The following PCBP3 variants were observed in gnomAD, a reference collection of about 807,000 sequenced individuals.
PCBP3 encodes the protein poly(rC) binding protein 3, also known as poly(rC)-binding protein 3.
In PCBP3, 25 loss-of-function variants were observed where a neutral mutation model predicts 52.7. The observed-to-expected ratio is 0.47, with a 90% CI of 0.35 to 0.66. The LOEUF (loss-of-function observed/expected upper bound fraction) is 0.66, where lower values mean the gene tolerates loss of function less well. Among genes scored for constraint, PCBP3 ranks in the 30% least tolerant of loss-of-function variants. The pLI, the probability that PCBP3 is intolerant of heterozygous loss-of-function variation, is 0.01. For missense variants in PCBP3, 391 were observed against 490.3 expected, an observed-to-expected ratio of 0.80 and a Z score of 1.91; for synonymous variants, 162 against 183.0, an observed-to-expected ratio of 0.89 and a Z score of 0.93.
chr21:45,764,374 C>T (rs927330546), intron 4 of PCBP3, among the ~76,000 whole-genome samples: 17 of 152,266 alleles, frequency 1.1e-4, no homozygotes, highest in East Asian at 7.7e-4. Context: ...TACCCGCCTC[C>T]GCCTCCCAAA....
intron 4 of PCBP3, among the ~76,000 whole-genome samples, chr21:45,767,794 C>T (rs2089490253): frequency 6.6e-6 from 1 of 152,244 alleles, no homozygotes; most frequent in South Asian, 2.1e-4. Context: ...GTGCTCATGT[C>T]AGGCCCCAGG....
chr21:45,767,480 A>G (rs2089455806), intron 4 of PCBP3, among the ~76,000 whole-genome samples: 1 of 152,166 alleles, frequency 6.6e-6, no homozygotes, highest in African/African-American at 2.4e-5. Context: ...GCTATTGTGA[A>G]TAGTACCACC....
chr21:45,753,004 G>T (rs1270839895), intron 3 of PCBP3: 1 of 150,340 alleles, frequency 6.7e-6, no homozygotes, highest in African/African-American at 2.5e-5. Flanking sequence ...AGCTGAGCAT[G>T]GTGGTGTGCA....
At chr21:45,874,268 A>T (rs970641529) in intron 5 of PCBP3, among the ~76,000 whole-genome samples, 5 of 152,248 alleles carry the variant, frequency 3.3e-5, no homozygotes, top group African/African-American at 1.2e-4. Context: ...TGTACATTTT[A>T]AAATCAGCTT....
At chr21:45,781,042 G>A in intron 4 of PCBP3, among the ~76,000 whole-genome samples, 1 of 152,132 alleles carries the variant, frequency 6.6e-6, no homozygotes, top group East Asian at 1.9e-4. Flanking sequence ...ATCACCAGGA[G>A]GCTGTGGTGT....
At chr21:45,939,806 G>C (rs2077260566) in intron 16 of PCBP3, among the ~76,000 whole-genome samples, 1 of 152,216 alleles carries the variant, frequency 6.6e-6, no homozygotes. Flanking sequence ...AGAGGGGCCA[G>C]CAGAGGCACA....
chr21:45,794,200 T>TAATGATTTACAAGGAACCATTGTA (rs1037006826), intron 4 of PCBP3, among the ~76,000 whole-genome samples: 1 of 152,226 alleles, frequency 6.6e-6, no homozygotes, highest in African/African-American at 2.4e-5. Flanking sequence ...TTAAATGGAT[T>TAATGATTTACAAGGAACCATTGTA]AATGATTTAC....
chr21:45,801,459 A>G (rs1036537594), intron 4 of PCBP3, among the ~76,000 whole-genome samples: 1 of 152,242 alleles, frequency 6.6e-6, no homozygotes, highest in African/African-American at 2.4e-5. Context: ...GGACAGGGCC[A>G]CAGACACACT....
chr21:45,743,378 CAGA>C (rs759862950), intron 3 of PCBP3, among the ~76,000 whole-genome samples: 1 of 152,220 alleles, frequency 6.6e-6, no homozygotes, highest in Non-Finnish European at 1.5e-5. Flanking sequence ...CATTAAGCTA[CAGA>C]AGTTTTCTTT....
intron 4 of PCBP3, among the ~76,000 whole-genome samples, chr21:45,847,165 T>C (rs991910563): frequency 6.6e-6 from 1 of 152,244 alleles, no homozygotes; most frequent in Non-Finnish European, 1.5e-5. Flanking sequence ...GCTACTGTTA[T>C]AAATAACACC....
intron 4 of PCBP3, among the ~76,000 whole-genome samples, chr21:45,764,105 ATTCTTTTTTTT>A (rs1032306295): frequency 5.6e-5 from 8 of 143,676 alleles, no homozygotes; most frequent in African/African-American, 7.7e-5. Flanking sequence ...AAAGTTTCTC[ATTCTTTTTTTT>A]TTCTTTTTTT....
chr21:45,888,616 T>A (rs2877119), intron 5 of PCBP3, among the ~76,000 whole-genome samples: 63,225 of 152,246 alleles, frequency 0.42, 15,670 homozygotes, highest in African/African-American at 0.7. Flanking sequence ...ACAGGCAGCT[T>A]TCCTCCCGCC....
intron 5 of PCBP3, among the ~76,000 whole-genome samples, chr21:45,878,777 C>G (rs140146213): frequency 6.6e-6 from 1 of 152,288 alleles, no homozygotes; most frequent in South Asian, 2.1e-4. Context: ...GAGGACAACT[C>G]GACGTCCGTA....
chr21:45,748,333 G>T (rs529099315), intron 3 of PCBP3, among the ~76,000 whole-genome samples: 2 of 152,266 alleles, frequency 1.3e-5, no homozygotes, highest in South Asian at 4.1e-4. Flanking sequence ...TTCTGTGTAG[G>T]GTTCATGCCT....
chr21:45,689,638 TC>T (rs1326914532), intron 2 of PCBP3, among the ~76,000 whole-genome samples: 4 of 152,010 alleles, frequency 2.6e-5, no homozygotes, highest in Non-Finnish European at 4.4e-5. Context: ...TCACAGATGA[TC>T]AGATCATAGA....
intron 2 of PCBP3, among the ~76,000 whole-genome samples, chr21:45,676,373 T>C (rs541754363): frequency 1.3e-5 from 2 of 152,196 alleles, no homozygotes; most frequent in Non-Finnish European, 2.9e-5. Flanking sequence ...CAGAATTTTT[T>C]TTTTTAAACA....
chr21:45,909,092 C>A (rs148947541), intron 9 of PCBP3, among the ~76,000 whole-genome samples: 42 of 151,912 alleles, frequency 2.8e-4, no homozygotes, highest in African/African-American at 1.0e-3. Flanking sequence ...CAGGTCTCCA[C>A]GACCAAGGCC....
intron 2 of PCBP3, among the ~76,000 whole-genome samples, chr21:45,676,264 G>A (rs1569105205): frequency 6.6e-6 from 1 of 152,154 alleles, no homozygotes; most frequent in Non-Finnish European, 1.5e-5. Context: ...TGATAAAATT[G>A]AATTTTCAGG....
intron 2 of PCBP3, among the ~76,000 whole-genome samples, chr21:45,707,636 G>A (rs980379475): frequency 1.3e-5 from 2 of 152,228 alleles, no homozygotes; most frequent in African/African-American, 4.8e-5. Context: ...GAGGCTTTGG[G>A]CCATCATTGC....
Sources: allele counts gnomAD v4.1 joint callset (sites outside exome capture counted in the v4.1 genomes callset), GRCh38; gene constraint gnomAD v4.1.1; transcripts MANE v1.5; gene names NCBI Gene and HGNC (gene_info 2026-07-23, HGNC 2026-07-21).